The following KLHL5 variants were observed in gnomAD, a reference collection of about 807,000 sequenced individuals.
The protein encoded by KLHL5 is kelch-like protein 5.
In KLHL5, 48 loss-of-function variants were observed where a neutral mutation model predicts 77.7. The observed-to-expected ratio is 0.62, with a 90% CI of 0.49 to 0.79. The LOEUF (loss-of-function observed/expected upper bound fraction) is 0.79. Ranked by LOEUF, KLHL5 falls within the 30% of genes least tolerant of loss-of-function variation. The pLI is 0.00. For synonymous variants in KLHL5, 260 were observed against 297.0 expected (o/e 0.88, Z 1.28); for missense variants, 723 against 859.7 (o/e 0.84, Z 1.99).
chr4:39,108,017 A>G (rs1268464392), intron 8 of KLHL5, among the ~76,000 whole-genome samples: 1 of 151,072 alleles, frequency 6.6e-6, no homozygotes, highest in Non-Finnish European at 1.5e-5. Flanking sequence ...TGGTATATCT[A>G]TATTAAAATA....
intron 9 of KLHL5, 63 bp from the exon 10 acceptor site, chr4:39,115,096 A>G (rs1722738454): frequency 6.8e-7 from 1 of 1,467,158 alleles, no homozygotes; most frequent in Admixed American, 2.1e-5. Flanking sequence ...TTGAAGAACA[A>G]AACTGTTTTT....
At position 39,081,094 on chromosome 4, in the gene KLHL5, T is replaced by C; in HGVS notation, c.567-9T>C. 6.3e-7 allele frequency: 1 copy of C among 1,589,604 alleles called. No homozygotes were observed. ...GTCATTGATTTTTTTTTTCCTAATG[T>C]GTTCACAGATTGGTGCTCTCCTCTG... On this transcript the variant is annotated splice_polypyrimidine_tract_variant and intron_variant, in intron 2 of 10. Coordinates refer to ENST00000504108, the MANE Select transcript of KLHL5 (RefSeq NM_015990.5). This position sits in a 1 kb window ranked among gnomAD's most constrained non-coding sequence, Gnocchi z 4.3.
chr4:39,109,627 CTTTTTTTTTCT>C (rs1396761459), intron 8 of KLHL5, among the ~76,000 whole-genome samples: 37 of 124,966 alleles, frequency 3.0e-4, no homozygotes, highest in South Asian at 8.1e-4. Flanking sequence ...ATTTCTTTTT[CTTTTTTTTTCT>C]TTTTTTTTTT....
intron 10 of KLHL5, 118 bp from the exon 11 acceptor site, chr4:39,120,892 G>C (rs1053017420): frequency 2.6e-6 from 2 of 763,478 alleles, no homozygotes; most frequent in Non-Finnish European, 4.5e-6. Context: ...ATACAGCAGG[G>C]GCCAGGGCAA....
At chr4:39,104,153 C>T (rs1044160854) in intron 7 of KLHL5, among the ~76,000 whole-genome samples, 1 of 151,670 alleles carries the variant, frequency 6.6e-6, no homozygotes, top group Non-Finnish European at 1.5e-5. Flanking sequence ...GTGGTGGGTA[C>T]AGTAAAAGAT....
chr4:39,075,477 AGGACT>A (rs1718929940), intron 1 of KLHL5, among the ~76,000 whole-genome samples: 1 of 152,224 alleles, frequency 6.6e-6, no homozygotes, highest in Non-Finnish European at 1.5e-5. Context: ...TGGGCTTTTG[AGGACT>A]GGACAGAGAA....
rs769669546 is a variant in KLHL5 at position 39,096,919 on chromosome 4, A to C, written c.1300+41A>C. On this transcript the variant is annotated intron_variant, in intron 6 of 10. Transcript: ENST00000504108. ...TTATTTGGGGAGGGAGGACCAGAGA[A>C]AAAGATATTTTAATAAGTGTATATA... The C allele has an allele frequency of 4.6e-6, 7 of 1,514,492 alleles. No homozygotes were observed. The Admixed American group carries it at 5.2e-5, about 11-fold the overall frequency. 93.8% of individuals were successfully genotyped at this position (1,514,492 alleles called of 1,614,324 possible). A position where few individuals can be genotyped will look rare whatever the true frequency, so the allele number is the denominator to read the frequency against.
chr4:39,110,167 C>T (rs1722350675), intron 8 of KLHL5, among the ~76,000 whole-genome samples: 1 of 152,092 alleles, frequency 6.6e-6, no homozygotes, highest in Non-Finnish European at 1.5e-5. Context: ...AAATGTATTA[C>T]AAGTTCAAGC....
chr4:39,094,496 T>A (rs1720877555), intron 5 of KLHL5, among the ~76,000 whole-genome samples: 1 of 151,654 alleles, frequency 6.6e-6, no homozygotes, highest in African/African-American at 2.4e-5. Context: ...TAAAAAGAAC[T>A]GAATAAATTT....
At chr4:39,098,655 C>T (rs1721282536) in intron 6 of KLHL5, among the ~76,000 whole-genome samples, 1 of 151,754 alleles carries the variant, frequency 6.6e-6, no homozygotes, top group Admixed American at 6.6e-5. Context: ...GCTCCGCCTC[C>T]TGGGTTCACA....
chr4:39,090,986 T>TA (rs1491485473), intron 5 of KLHL5, among the ~76,000 whole-genome samples: 1 of 9,102 alleles, frequency 1.1e-4, no homozygotes, highest in African/African-American at 4.2e-4. Flanking sequence ...CAGTTTTTAA[T>TA]TTTTTTTTTT....
intron 1 of KLHL5, among the ~76,000 whole-genome samples, chr4:39,067,674 C>CTTTTTTTT (rs11356460): frequency 7.5e-6 from 1 of 132,758 alleles, no homozygotes. Context: ...ACCCATAACT[C>CTTTTTTTT]TTTTTTTTTT....
rs571541302 is a variant in KLHL5, at chr4:39,046,424, G to C, written c.-95+1328G>C. Among the ~76,000 whole-genome samples, 3 of 152,208 alleles carry C rather than the reference G, an allele frequency of 2.0e-5. No homozygotes were observed. The South Asian group carries it at 6.2e-4, about 32-fold the overall frequency. On this transcript the variant is annotated intron_variant, in intron 1 of 11. Coordinates refer to the KLHL5 transcript ENST00000261425. ...TGGGCCTTGGGCTTCCTGGGAGCTA[G>C]GTAAAAAGAGAAAAAGGAACAACAT...
In KLHL5 at chr4:39,081,818, T is replaced by G; in HGVS notation, c.704-145T>G. On this transcript the variant is annotated intron_variant, in intron 3 of 10. Coordinates refer to ENST00000504108, the MANE Select transcript of KLHL5 (RefSeq NM_015990.5). The surrounding 1 kb of genome is among the most constrained non-coding windows in gnomAD (Gnocchi z 4.3). Reference sequence around the variant, plus strand: ...AATTTTTTCCCCATTTAGTCCTTCTTTTCTTTTTGGGATGTCTTAAACCAT... The same window carrying G: ...AATTTTTTCCCCATTTAGTCCTTCTGTTCTTTTTGGGATGTCTTAAACCAT... 2.0e-6 allele frequency: 1 copy of G among 511,254 alleles called. No individual in the cohort carries two copies. 31.7% of individuals were successfully genotyped at this position (511,254 alleles called of 1,614,324 possible).
chr4:39,066,027 TC>T (rs1454128430), intron 1 of KLHL5, among the ~76,000 whole-genome samples: 1 of 152,200 alleles, frequency 6.6e-6, no homozygotes, highest in Non-Finnish European at 1.5e-5. Flanking sequence ...TCTGTCTGAG[TC>T]TTAGACTTCT....
chr4:39,070,394 T>C (rs896560563), intron 1 of KLHL5, among the ~76,000 whole-genome samples: 3 of 152,216 alleles, frequency 2.0e-5, no homozygotes, highest in African/African-American at 7.2e-5. Context: ...CATGTATGGA[T>C]TGTCTTTTTG....
the KLHL5 span, among the ~76,000 whole-genome samples, chr4:39,132,452 TAAAA>T: frequency 6.6e-6 from 1 of 151,514 alleles, no homozygotes; most frequent in Non-Finnish European, 1.5e-5. Context: ...CTACTAAAAA[TAAAA>T]AAAGTGGCCA....
At chr4:39,088,145 C>A (rs1202770089) in intron 5 of KLHL5, among the ~76,000 whole-genome samples, 1 of 152,142 alleles carries the variant, frequency 6.6e-6, no homozygotes, top group South Asian at 2.1e-4. Flanking sequence ...AAATCCGATT[C>A]GACTTTGAGA....
chr4:39,139,830 T>TA, the KLHL5 span, among the ~76,000 whole-genome samples: 1 of 152,062 alleles, frequency 6.6e-6, no homozygotes, highest in Non-Finnish European at 1.5e-5. Flanking sequence ...CCAGACAAAC[T>TA]AAAATGGCAG....
Sources: gnomAD v4.1 joint callset for allele counts (sites outside exome capture counted in the v4.1 genomes callset) on GRCh38, gnomAD v4.1.1 for gene constraint, Gnocchi (gnomAD v3.1) non-coding constraint, MANE v1.5 for transcripts, NCBI Gene and HGNC (gene_info 2026-07-23, HGNC 2026-07-21) for gene names.